Variants in OBI1 observed in about 807,000 individuals in gnomAD.
The protein encoded by OBI1 is ring finger protein 219.
OBI1 carries 59 observed loss-of-function variants against 62.4 expected under a neutral mutation model. The observed-to-expected ratio is 0.95, with a 90% CI of 0.77 to 1.17. The LOEUF (loss-of-function observed/expected upper bound fraction) is 1.17. Ranked by LOEUF, OBI1 falls within the 50% of genes most tolerant of loss-of-function variation. OBI1 has a pLI of 0.00. For synonymous variants in OBI1, 302 were observed against 292.8 expected, an observed-to-expected ratio of 1.03 and a Z score of -0.32; for missense variants, 875 against 830.9, an observed-to-expected ratio of 1.05 and a Z score of -0.65.
rs1226273492 is a variant in OBI1 at position 78,640,534 on chromosome 13, C to T, written c.301-1463G>A. ...GACTGTACAGAGTTATCAAGATGAT[C>T]GTGCCTGTAATCCCAGCACTTCGGG... On this transcript the variant is annotated intron_variant, in intron 3 of 5. Coordinates refer to ENST00000282003, the MANE Select transcript of OBI1 (RefSeq NM_024546.4). 3.9e-5 allele frequency among the ~76,000 whole-genome samples: 6 copies of T among 152,162 alleles called. No individual in the cohort carries two copies. In the East Asian group the frequency reaches 9.6e-4, roughly 24 times the overall value.
At chr13:78,627,841 C>T (rs377525460) in intron 5 of OBI1, among the ~76,000 whole-genome samples, 11 of 152,140 alleles carry the variant, frequency 7.2e-5, no homozygotes, top group Non-Finnish European at 5.9e-5. Context: ...CTCATAATAA[C>T]GCACCCTCAT....
intron 1 of OBI1, among the ~76,000 whole-genome samples, chr13:78,655,835 CTA>C (rs1199397530): frequency 6.6e-6 from 1 of 152,190 alleles, no homozygotes; most frequent in Non-Finnish European, 1.5e-5. Flanking sequence ...CAGAGATGCT[CTA>C]TGTCAGGGAA....
intron 1 of OBI1, among the ~76,000 whole-genome samples, chr13:78,650,036 C>T (rs999348326): frequency 3.9e-5 from 6 of 152,192 alleles, no homozygotes; most frequent in African/African-American, 1.2e-4. Context: ...TAGCAGATTG[C>T]TATACATTGT....
At chr13:78,627,768 A>G (rs925150632) in intron 5 of OBI1, among the ~76,000 whole-genome samples, 5 of 152,174 alleles carry the variant, frequency 3.3e-5, no homozygotes, top group Non-Finnish European at 5.9e-5. Context: ...GAAGATTTAT[A>G]TTATTTTGTC....
chr13:78,619,704 A>G (rs1875448148), intron 5 of OBI1, among the ~76,000 whole-genome samples: 1 of 152,134 alleles, frequency 6.6e-6, no homozygotes, highest in Non-Finnish European at 1.5e-5. Context: ...TCTTTCTCCC[A>G]CGTTAGAATA....
At chr13:78,634,468 T>G (rs1296610793) in intron 5 of OBI1, among the ~76,000 whole-genome samples, 1 of 152,058 alleles carries the variant, frequency 6.6e-6, no homozygotes, top group Non-Finnish European at 1.5e-5. Context: ...CTAACTTTTT[T>G]GTATTTTTAG....
chr13:78,644,207 G>A (rs1359063981), intron 2 of OBI1, among the ~76,000 whole-genome samples: 5 of 152,200 alleles, frequency 3.3e-5, no homozygotes, highest in African/African-American at 1.2e-4. Flanking sequence ...AGTAATATTT[G>A]TAAAGCACAT....
chr13:78,634,305 T>C (rs1048320727), intron 5 of OBI1, among the ~76,000 whole-genome samples: 4 of 151,580 alleles, frequency 2.6e-5, no homozygotes, highest in Non-Finnish European at 4.4e-5. Flanking sequence ...TTTCTTTTTG[T>C]TGTTTTTGAG....
chr13:78,646,527 C>T (rs1003078552), intron 1 of OBI1, among the ~76,000 whole-genome samples: 2 of 152,030 alleles, frequency 1.3e-5, no homozygotes, highest in African/African-American at 2.4e-5. Context: ...GGTCTCTTCA[C>T]GGTGGGACTC....
At chr13:78,629,514 G>A (rs1875783375) in intron 5 of OBI1, among the ~76,000 whole-genome samples, 2 of 152,042 alleles carry the variant, frequency 1.3e-5, no homozygotes, top group South Asian at 4.1e-4. Flanking sequence ...ACAGAGACAT[G>A]GAGAGAGGGC....
At chr13:78,651,364 T>C (rs1180144852) in intron 1 of OBI1, among the ~76,000 whole-genome samples, 1 of 152,196 alleles carries the variant, frequency 6.6e-6, no homozygotes, top group East Asian at 1.9e-4. Context: ...AAAACAGTAA[T>C]GATTTTTTTC....
chr13:78,631,875 AT>A (rs1415823163), intron 5 of OBI1, among the ~76,000 whole-genome samples: 1 of 152,164 alleles, frequency 6.6e-6, no homozygotes, highest in Admixed American at 6.5e-5. Flanking sequence ...CAACACCTTC[AT>A]TTTAAAAGAT....
intron 1 of OBI1, among the ~76,000 whole-genome samples, chr13:78,655,260 T>C (rs1876666670): frequency 6.6e-6 from 1 of 152,098 alleles, no homozygotes; most frequent in Non-Finnish European, 1.5e-5. Flanking sequence ...GGTGGCACTA[T>C]CAAAATGTCA....
chr13:78,632,767 G>A (rs866153716), intron 5 of OBI1, among the ~76,000 whole-genome samples: 4 of 152,244 alleles, frequency 2.6e-5, no homozygotes, highest in Non-Finnish European at 5.9e-5. Context: ...GAGTAAACAA[G>A]GCTATAAATC....
chr13:78,638,727 C>G, intron 4 of OBI1, 96 bp downstream of exon 4: 1 of 1,117,966 alleles, frequency 8.9e-7, no homozygotes, highest in South Asian at 1.6e-5. Flanking sequence ...CCTCACAAAT[C>G]ATCTGATGAT....
intron 1 of OBI1, among the ~76,000 whole-genome samples, chr13:78,651,353 CA>C (rs1361351299): frequency 6.6e-6 from 1 of 152,192 alleles, no homozygotes; most frequent in East Asian, 1.9e-4. Context: ...TCCTCTCCTA[CA>C]AAACAGTAAT....
intron 5 of OBI1, among the ~76,000 whole-genome samples, chr13:78,618,589 A>C (rs1278608693): frequency 6.6e-6 from 1 of 152,170 alleles, no homozygotes; most frequent in Admixed American, 6.5e-5. Context: ...TAAATATAGA[A>C]TCATAAAATC....
intron 5 of OBI1, among the ~76,000 whole-genome samples, chr13:78,626,983 A>G (rs550328222): frequency 2.6e-5 from 4 of 152,224 alleles, no homozygotes; most frequent in South Asian, 2.1e-4. Flanking sequence ...GGAGAATAGC[A>G]TGAACCCAGG....
At chr13:78,644,418 C>G (rs1277953224) in intron 2 of OBI1, among the ~76,000 whole-genome samples, 2 of 152,192 alleles carry the variant, frequency 1.3e-5, no homozygotes, top group African/African-American at 4.8e-5. Flanking sequence ...TTTCCTGTAT[C>G]TAAACTTTTT....
Sources: gnomAD v4.1 joint callset for allele counts (sites outside exome capture counted in the v4.1 genomes callset) on GRCh38, gnomAD v4.1.1 for gene constraint, MANE v1.5 for transcripts, NCBI Gene and HGNC (gene_info 2026-07-23, HGNC 2026-07-21) for gene names.